ZNF282: variants seen among roughly 807,000 people sequenced by gnomAD.
The protein encoded by ZNF282 is HTLV-I U5 repressive element-binding protein 1.
A neutral mutation model predicts 61.9 loss-of-function variants in ZNF282; 30 were observed. The observed-to-expected ratio is 0.48, with a 90% CI of 0.36 to 0.66. The LOEUF (loss-of-function observed/expected upper bound fraction) is 0.66. Among genes scored for constraint, ZNF282 ranks in the 30% least tolerant of loss-of-function variants. The pLI is 0.00. For missense variants in ZNF282, 788 were observed against 941.4 expected, an observed-to-expected ratio of 0.84 and a Z score of 2.13; for synonymous variants, 396 against 405.0, an observed-to-expected ratio of 0.98 and a Z score of 0.27.
intron 2 of ZNF282, among the ~76,000 whole-genome samples, chr7:149,201,450 C>G (rs958090830): frequency 2.6e-5 from 4 of 152,184 alleles, no homozygotes; most frequent in Admixed American, 6.5e-5. Flanking sequence ...CACATCACAC[C>G]TCTGCTTAAA....
rs1796338011 is a variant in ZNF282 at position 149,224,737 on chromosome 7, T to C, written c.*90T>C. Reference sequence around the variant, plus strand: ...TTGCCGGGTGTCCTCAGCCACCGTCTGGAAATCGGCAACAGGCATTGCACT... The same window carrying C: ...TTGCCGGGTGTCCTCAGCCACCGTCCGGAAATCGGCAACAGGCATTGCACT... On this transcript the variant is annotated 3_prime_UTR_variant, in exon 8 of 8. Transcript: ENST00000610704. The C allele has an allele frequency of 2.8e-6, 4 of 1,437,720 alleles. No homozygotes were observed. The African/African-American group carries it at 5.7e-5, about 21-fold the overall frequency. The allele number at this position is 1,437,720 out of a possible 1,614,324, so 89.1% of individuals were successfully genotyped here.
At chr7:149,203,479 T>G (rs1795946293) in intron 2 of ZNF282, among the ~76,000 whole-genome samples, 1 of 152,206 alleles carries the variant, frequency 6.6e-6, no homozygotes, top group South Asian at 2.1e-4. Flanking sequence ...CTCAATTAAT[T>G]AGGACTATAG....
rs555837651 is a variant in ZNF282, at chr7:149,207,656, C to T, written c.832+186C>T. 1.1e-3 allele frequency among the ~76,000 whole-genome samples: 165 copies of T among 152,310 alleles called. 1 individual carries two copies. Among genetic ancestry groups the T allele is most frequent in the African/African-American group, 3.8e-3 (157 of 41,580 alleles). On this transcript the variant is annotated intron_variant, in intron 4 of 7. Transcript: ENST00000610704. ...TCACTTATAGGAAGAGATCTCAGGG[C>T]TCAAAATAGCACCCTGGATATTTGT... is the stretch of plus-strand genomic sequence containing the variant.
intron 4 of ZNF282, among the ~76,000 whole-genome samples, chr7:149,208,363 C>T (rs1585566270): frequency 1.3e-5 from 2 of 152,016 alleles, no homozygotes; most frequent in East Asian, 3.9e-4. Flanking sequence ...CCACTGCGCC[C>T]AGCTAATTTT....
chr7:149,200,597 A>AT (rs1355572178), intron 2 of ZNF282, among the ~76,000 whole-genome samples: 1 of 151,250 alleles, frequency 6.6e-6, no homozygotes, highest in African/African-American at 2.4e-5. Flanking sequence ...TTATTTATTT[A>AT]TTTATTTATT....
intron 2 of ZNF282, among the ~76,000 whole-genome samples, chr7:149,204,758 G>T (rs1166170385): frequency 1.3e-5 from 2 of 152,186 alleles, no homozygotes; most frequent in African/African-American, 4.8e-5. Flanking sequence ...TTCTGAAGCA[G>T]CCGTGAGACA....
chr7:149,218,952 C>G (rs1202394), intron 7 of ZNF282, among the ~76,000 whole-genome samples: 3 of 152,116 alleles, frequency 2.0e-5, no homozygotes, highest in Non-Finnish European at 1.5e-5. Flanking sequence ...GGATGTGTCA[C>G]CCTCCCAGCA....
rs1161961839 is a variant in ZNF282 at position 149,226,178 on chromosome 7, G to C, written c.*1531G>C. The C allele has an allele frequency of 6.5e-6, 1 of 152,676 alleles. No individual in the cohort carries two copies. The highest frequency in any genetic ancestry group is 1.5e-5 in the Non-Finnish European group (1 of 68,050). The allele number at this position is 152,676 out of a possible 1,614,324, so 9.5% of individuals were successfully genotyped here. The stretch of plus-strand genomic sequence containing the variant: ...ATAAAAGGTATCCAGATTGCAGACT[G>C]CATGTTCACAGAGCTGGGGGTTCTC... On this transcript the variant is annotated 3_prime_UTR_variant, in exon 8 of 8. Transcript: ENST00000610704.
At chr7:149,212,110 G>A (rs1585569138) in intron 5 of ZNF282, among the ~76,000 whole-genome samples, 1 of 152,292 alleles carries the variant, frequency 6.6e-6, no homozygotes, top group African/African-American at 2.4e-5. Flanking sequence ...TTAAGTTCCT[G>A]CAGCACAGAA....
rs1036548976 is a variant in ZNF282, at chr7:149,213,549, T to C, written c.1067-152T>C. 1.3e-5 allele frequency: 8 copies of C among 612,894 alleles called. No individual in the cohort carries two copies. The African/African-American group carries it at 1.5e-4, about 11-fold the overall frequency. The allele number at this position is 612,894 out of a possible 1,614,324, so 38.0% of individuals were successfully genotyped here. ...GAGAGTCCATTTAGGAAGGGGCTTATGAGGGTAAGGAGGATGGCCTGGAAA... is the reference window on the plus strand; with the variant it reads ...GAGAGTCCATTTAGGAAGGGGCTTACGAGGGTAAGGAGGATGGCCTGGAAA... On this transcript the variant is annotated intron_variant, in intron 6 of 7. Coordinates refer to ENST00000610704, the MANE Select transcript of ZNF282 (RefSeq NM_003575.4).
chr7:149,196,357 T>C (rs1049165590), intron 1 of ZNF282, among the ~76,000 whole-genome samples: 14 of 152,164 alleles, frequency 9.2e-5, no homozygotes, highest in African/African-American at 3.1e-4. Flanking sequence ...TGGGCAGCTT[T>C]TAAGACTCCT....
Position 149,198,888 on chromosome 7 carries a change from C to T in ZNF282, c.585+136C>T. On this transcript the variant is annotated intron_variant, in intron 2 of 7. Coordinates refer to ENST00000610704, the MANE Select transcript of ZNF282 (RefSeq NM_003575.4). This position sits in a 1 kb window ranked among gnomAD's most constrained non-coding sequence, Gnocchi z 4.3. ...TCCAATTTCAGTGTCTTCTTAAAGC[C>T]TGTCTCCACTGAAACAACCTGGTCT... 1 of 1,225,678 alleles carries T rather than the reference C, an allele frequency of 8.2e-7. No homozygotes were observed. The highest frequency in any genetic ancestry group is 1.1e-6 in the Non-Finnish European group (1 of 903,002). The allele number at this position is 1,225,678 out of a possible 1,614,324, so 75.9% of individuals were successfully genotyped here. A position where few individuals can be genotyped will look rare whatever the true frequency, so the allele number is the denominator to read the frequency against.
Position 149,198,856 on chromosome 7 carries a change from C to G in ZNF282, c.585+104C>G. On this transcript the variant is annotated intron_variant, in intron 2 of 7. Coordinates refer to ENST00000610704, the MANE Select transcript of ZNF282 (RefSeq NM_003575.4). This position sits in a 1 kb window ranked among gnomAD's most constrained non-coding sequence, Gnocchi z 4.3. ...CCCTTCTCATAAACTTCTCTGGCTC[C>G]CCGTTATCCAATTTCAGTGTCTTCT... The G allele has an allele frequency of 1.4e-6, 2 of 1,438,788 alleles. No homozygotes were observed. Among genetic ancestry groups the G allele is most frequent in the South Asian group, 2.8e-5 (2 of 71,866 alleles). 89.1% of individuals were successfully genotyped at this position (1,438,788 alleles called of 1,614,324 possible).
intron 5 of ZNF282, 23 bp from the exon 6 acceptor site, chr7:149,212,335 G>A: frequency 1.3e-6 from 2 of 1,569,796 alleles, no homozygotes; most frequent in African/African-American, 1.4e-5. Flanking sequence ...TAACACCTTT[G>A]CCGCTCTTGT....
At position 149,223,959 on chromosome 7, in the gene ZNF282, C is replaced by T. The variant is rs1308763188; in HGVS notation, c.1328C>T (p.Pro443Leu). The change falls in exon 8 of 8, where the codon CCG (proline) becomes CTG (leucine). Residue 443 changes from proline (P) to leucine (L), a missense_variant. Pro to Leu is a moderately conservative substitution (Grantham distance 98, BLOSUM62 -3). Around this residue, in one of 3 missense-constraint regions of ZNF282, gnomAD observed 559 missense variants for 642.0 expected, o/e 0.87. Coordinates refer to ENST00000610704, the MANE Select transcript of ZNF282 (RefSeq NM_003575.4). ...GTGGCCGAGAACCCGGGCGGCCCCC[C>T]GAGCCGAGGGCTGCTGGACGACGGT... The part of the protein sequence containing the change: ...IAVAENPGGP[P>L]SRGLLDDGFQ... 28 of 1,300,918 alleles carry T rather than the reference C, an allele frequency of 2.2e-5. No homozygotes were observed. The highest frequency in any genetic ancestry group is 3.1e-5 in the African/African-American group (2 of 64,484). The allele number at this position is 1,300,918 out of a possible 1,614,324, so 80.6% of individuals were successfully genotyped here. A position where few individuals can be genotyped will look rare whatever the true frequency, so the allele number is the denominator to read the frequency against.
chr7:149,196,693 C>A (rs1287626171), intron 1 of ZNF282, among the ~76,000 whole-genome samples: 1 of 152,128 alleles, frequency 6.6e-6, no homozygotes, highest in African/African-American at 2.4e-5. Context: ...AAACTGGGCC[C>A]CGGGACTTTC....
At chr7:149,211,351 G>C (rs890257702) in intron 5 of ZNF282, among the ~76,000 whole-genome samples, 4 of 152,158 alleles carry the variant, frequency 2.6e-5, no homozygotes, top group African/African-American at 4.8e-5. Context: ...TACAGGGCAG[G>C]CCAGCAGGTT....
intron 7 of ZNF282, among the ~76,000 whole-genome samples, chr7:149,216,581 A>G (rs1435819274): frequency 6.6e-6 from 1 of 152,188 alleles, no homozygotes; most frequent in Non-Finnish European, 1.5e-5. Flanking sequence ...TTGGAATTTG[A>G]CACTGGCCTG....
chr7:149,220,285 G>A (rs1206199959), intron 7 of ZNF282, among the ~76,000 whole-genome samples: 1 of 151,388 alleles, frequency 6.6e-6, no homozygotes, highest in Non-Finnish European at 1.5e-5. Context: ...CGTGGTGGGC[G>A]CCTGTAGTCC....
Sources: gnomAD v4.1 joint callset for allele counts (sites outside exome capture counted in the v4.1 genomes callset) on GRCh38, gnomAD v4.1.1 for gene constraint, gnomAD v4.1.1 regional missense constraint, Gnocchi (gnomAD v3.1) non-coding constraint, MANE v1.5 for transcripts, NCBI Gene and HGNC (gene_info 2026-07-23, HGNC 2026-07-21) for gene names.